The following SLCO1A2 variants were observed in gnomAD, a reference collection of about 807,000 sequenced individuals.
SLCO1A2 encodes the protein solute carrier organic anion transporter family member 1A2.
SLCO1A2 carries 67 observed loss-of-function variants against 69.0 expected under a neutral mutation model. The observed-to-expected ratio is 0.97, with a 90% CI of 0.80 to 1.19. The LOEUF (loss-of-function observed/expected upper bound fraction) is 1.19. Among genes scored for constraint, SLCO1A2 ranks in the 50% most tolerant of loss-of-function variants. The probability of loss-of-function intolerance (pLI) is 0.00; values close to 1 mark genes in which losing one functional copy is unlikely to be tolerated. For synonymous variants in SLCO1A2, 260 were observed against 265.9 expected (o/e 0.98, Z 0.22); for missense variants, 787 against 793.7 (o/e 0.99, Z 0.10).
intron 4 of SLCO1A2, among the ~76,000 whole-genome samples, chr12:21,311,982 AGG>A (rs1169538794): frequency 1.3e-5 from 2 of 150,494 alleles, no homozygotes; most frequent in Non-Finnish European, 3.0e-5. Flanking sequence ...AAGGAGGAGG[AGG>A]AGGAAGAGGA....
At chr12:21,277,316 G>A (rs954935374) in intron 12 of SLCO1A2, among the ~76,000 whole-genome samples, 1 of 150,548 alleles carries the variant, frequency 6.6e-6, no homozygotes, top group Non-Finnish European at 1.5e-5. Flanking sequence ...CTGCTGTCTT[G>A]AAGAGAAGGA....
intron 2 of SLCO1A2, among the ~76,000 whole-genome samples, chr12:21,368,393 A>C (rs1177428723): frequency 6.6e-6 from 1 of 152,188 alleles, no homozygotes; most frequent in African/African-American, 2.4e-5. Context: ...TAACGGACAG[A>C]AAATTGTAAA....
intron 1 of SLCO1A2, among the ~76,000 whole-genome samples, chr12:21,406,343 A>G (rs1410600110): frequency 1.3e-5 from 1 of 78,492 alleles, no homozygotes; most frequent in Non-Finnish European, 2.8e-5. Context: ...CTATTTAAGT[A>G]GTTTGAAGGA....
intron 2 of SLCO1A2, among the ~76,000 whole-genome samples, chr12:21,366,785 G>C (rs1939420477): frequency 6.6e-6 from 1 of 151,752 alleles, no homozygotes; most frequent in Non-Finnish European, 1.5e-5. Context: ...GATTGTAGAA[G>C]TTGTTTTTTT....
At chr12:21,271,453 T>TGAG (rs1942815769) in intron 14 of SLCO1A2, among the ~76,000 whole-genome samples, 1 of 144,014 alleles carries the variant, frequency 6.9e-6, no homozygotes, top group Admixed American at 6.7e-5. Flanking sequence ...CAATTATTCT[T>TGAG]ATTTGAGATA....
intron 8 of SLCO1A2, among the ~76,000 whole-genome samples, chr12:21,299,851 C>CGT (rs1265398808): frequency 8.0e-6 from 1 of 124,446 alleles, no homozygotes; most frequent in Non-Finnish European, 1.6e-5. Flanking sequence ...TATATATATA[C>CGT]GTGTATATAT....
intron 12 of SLCO1A2, among the ~76,000 whole-genome samples, chr12:21,283,788 C>T (rs915325963): frequency 6.6e-6 from 1 of 152,082 alleles, no homozygotes; most frequent in African/African-American, 2.4e-5. Flanking sequence ...AGAATAAATA[C>T]AAATGGCAAT....
At chr12:21,338,382 A>C (rs1300457884), upstream of SLCO1A2, among the ~76,000 whole-genome samples, 7 of 151,824 alleles carry the variant, frequency 4.6e-5, no homozygotes, top group Admixed American at 6.6e-5. Flanking sequence ...GGAACCCCCC[A>C]GGCGATATCT....
intron 1 of SLCO1A2, among the ~76,000 whole-genome samples, chr12:21,375,564 C>G (rs1407868855): frequency 6.6e-6 from 1 of 152,190 alleles, no homozygotes; most frequent in Non-Finnish European, 1.5e-5. Context: ...AACTTTTTTA[C>G]ACTCCCTTGT....
chr12:21,343,892 A>G (rs1591864559), intron 2 of SLCO1A2, among the ~76,000 whole-genome samples: 1 of 152,224 alleles, frequency 6.6e-6, no homozygotes, highest in Admixed American at 6.6e-5. Flanking sequence ...CACTAGATGG[A>G]CACTTACTGT....
intron 2 of SLCO1A2, among the ~76,000 whole-genome samples, chr12:21,356,909 G>C (rs559238653): frequency 6.6e-6 from 1 of 151,884 alleles, no homozygotes; most frequent in African/African-American, 2.4e-5. Context: ...TCCAGTGCTC[G>C]TGGAAACTTT....
intron 2 of SLCO1A2, among the ~76,000 whole-genome samples, chr12:21,371,171 A>G (rs1487006681): frequency 6.6e-6 from 1 of 152,160 alleles, no homozygotes; most frequent in Non-Finnish European, 1.5e-5. Context: ...ATTGCCCTGG[A>G]AAGAGGCAGT....
At chr12:21,416,100 T>C (rs1216057846) in intron 1 of SLCO1A2, among the ~76,000 whole-genome samples, 1 of 152,174 alleles carries the variant, frequency 6.6e-6, no homozygotes, top group Non-Finnish European at 1.5e-5. Context: ...TTTTTTATTA[T>C]GTTTATTACT....
intron 1 of SLCO1A2, among the ~76,000 whole-genome samples, chr12:21,413,493 C>T (rs866275888): frequency 1.8e-4 from 28 of 152,140 alleles, no homozygotes; most frequent in African/African-American, 5.3e-4. Flanking sequence ...CCACCTGCCT[C>T]GGCCTCCCAA....
intron 1 of SLCO1A2, among the ~76,000 whole-genome samples, chr12:21,391,810 T>A (rs985751503): frequency 6.6e-6 from 1 of 151,942 alleles, no homozygotes; most frequent in Admixed American, 6.5e-5. Flanking sequence ...TGGATTAATA[T>A]GTCTAGTTCA....
At position 21,348,342 on chromosome 12, in the gene SLCO1A2, TTCTG is replaced by T. The variant is rs1487212500; in HGVS notation, c.-62-13637_-62-13634del. Among the ~76,000 whole-genome samples the T allele has an allele frequency of 3.3e-5, 5 of 152,290 alleles. No homozygotes were observed. In the South Asian group the frequency reaches 6.2e-4, roughly 19 times the overall value. ...ACTATCAAATAGTGGATCTTATTCA[TTCTG>T]TCTATTTTTGTAACCATTAACCATC... On this transcript the variant is annotated intron_variant, in intron 2 of 15. Transcript: ENST00000307378.
intron 6 of SLCO1A2, among the ~76,000 whole-genome samples, chr12:21,304,045 CAA>C (rs575405261): frequency 1.5e-3 from 235 of 152,156 alleles, no homozygotes; most frequent in African/African-American, 5.3e-3. Context: ...AAACTACAGA[CAA>C]AGTAATGAGA....
At chr12:21,299,312 GT>G (rs1343650984) in intron 8 of SLCO1A2, among the ~76,000 whole-genome samples, 1 of 151,956 alleles carries the variant, frequency 6.6e-6, no homozygotes, top group Non-Finnish European at 1.5e-5. Context: ...TCTTAGTTTA[GT>G]TTCCCACAGA....
chr12:21,307,023 G>C, intron 4 of SLCO1A2, 35 bp from the exon 5 acceptor site: 1 of 1,436,346 alleles, frequency 7.0e-7, no homozygotes. Flanking sequence ...TTTATTTTAA[G>C]AAAGTAATGA....
Sources: allele counts gnomAD v4.1 joint callset (sites outside exome capture counted in the v4.1 genomes callset), GRCh38; gene constraint gnomAD v4.1.1; transcripts MANE v1.5; gene names NCBI Gene and HGNC (gene_info 2026-07-23, HGNC 2026-07-21).